Variants in PHF11 observed in about 807,000 individuals in gnomAD.
PHF11 encodes the protein BRCA1 C-terminus-associated protein.
Under a neutral mutation model 40.5 loss-of-function variants are expected in PHF11, and 38 were observed. That is an observed-to-expected ratio of 0.94 (90% confidence interval 0.72 to 1.23). PHF11 has a LOEUF of 1.23. PHF11 is among the 50% of genes most tolerant of loss of function. The pLI, the probability that PHF11 is intolerant of heterozygous loss-of-function variation, is 0.00. For missense variants in PHF11, 369 were observed against 392.4 expected (o/e 0.94, Z 0.50); for synonymous variants, 127 against 138.2 (o/e 0.92, Z 0.57).
intron 1 of PHF11, chr13:49,497,146 A>G (rs1734444674): frequency 7.8e-7 from 1 of 1,289,628 alleles, no homozygotes; most frequent in Middle Eastern, 2.1e-4. Context: ...CGTCACACGT[A>G]AACATCATAC....
intron 1 of PHF11, 199 bp downstream of exon 1, chr13:49,496,294 A>G: frequency 2.7e-6 from 2 of 742,916 alleles, no homozygotes; most frequent in Non-Finnish European, 1.8e-6. Context: ...GGGCCAGAGG[A>G]CAGGGCGCGG....
chr13:49,506,397 A>C (rs1225137004), intron 1 of PHF11, among the ~76,000 whole-genome samples: 1 of 152,134 alleles, frequency 6.6e-6, no homozygotes, highest in Non-Finnish European at 1.5e-5. Flanking sequence ...AAAAAGAAGA[A>C]GTTATCCTCA....
chr13:49,506,705 T>C lies in PHF11; in HGVS notation c.165T>C (p.Asn55=). Residue 55 remains asparagine (N), a synonymous_variant, in exon 2 of 10, where the codon AAT becomes AAC. Coordinates refer to ENST00000378319, the MANE Select transcript of PHF11 (RefSeq NM_001040443.3). Reference sequence around the variant, plus strand: ...TCTGCCCCAAAGATGTCGAATATAATGTCCTATACTTTGCACAATCAGAGA... The same window carrying C: ...TCTGCCCCAAAGATGTCGAATATAACGTCCTATACTTTGCACAATCAGAGA... ...CALCPKDVEY[N]VLYFAQSENI... is the part of the protein sequence containing the mutation. 1 of 1,608,142 alleles carries C rather than the reference T, an allele frequency of 6.2e-7. No homozygotes were observed.
intron 1 of PHF11, among the ~76,000 whole-genome samples, chr13:49,501,008 T>TG (rs1332543978): frequency 6.5e-5 from 8 of 122,740 alleles, no homozygotes; most frequent in African/African-American, 3.1e-4. Flanking sequence ...TTGTTTTTTT[T>TG]TTTTTTTGGT....
intron 1 of PHF11, chr13:49,496,462 G>C (rs1268692096): frequency 2.0e-6 from 2 of 1,018,998 alleles, no homozygotes; most frequent in East Asian, 1.8e-4. Flanking sequence ...AACCAGGACA[G>C]TGGAGGGGCG....
chr13:49,509,299 A>C (rs902145229), intron 2 of PHF11, among the ~76,000 whole-genome samples: 1 of 150,168 alleles, frequency 6.7e-6, no homozygotes, highest in Non-Finnish European at 1.5e-5. Context: ...TGCAACCTCC[A>C]CTTCCCAGGT....
chr13:49,507,052 C>T (rs1042134432), intron 2 of PHF11, among the ~76,000 whole-genome samples: 6 of 151,614 alleles, frequency 4.0e-5, no homozygotes, highest in Admixed American at 6.6e-5. Context: ...TACAGGTGCC[C>T]GCCACCATGC....
intron 4 of PHF11, among the ~76,000 whole-genome samples, chr13:49,520,083 T>C (rs1707202126): frequency 6.6e-6 from 1 of 152,220 alleles, no homozygotes; most frequent in Admixed American, 6.5e-5. Context: ...AGTCTTGCTC[T>C]GTGGCCCAGG....
chr13:49,505,116 A>T (rs187200874), intron 1 of PHF11, among the ~76,000 whole-genome samples: 282 of 150,064 alleles, frequency 1.9e-3, no homozygotes, highest in African/African-American at 6.2e-3. Context: ...AATAAATAAA[A>T]AAATAATAAA....
At chr13:49,515,206 G>A (rs745745483) in intron 3 of PHF11, among the ~76,000 whole-genome samples, 6 of 152,058 alleles carry the variant, frequency 3.9e-5, no homozygotes, top group Non-Finnish European at 5.9e-5. Context: ...TGAGGTAATA[G>A]TTACCCTCTC....
intron 7 of PHF11, chr13:49,523,768 C>T (rs1208888958): frequency 1.4e-5 from 3 of 212,676 alleles, no homozygotes; most frequent in African/African-American, 7.1e-5. Context: ...TAACCTGAAA[C>T]CACCTGTTCC....
Position 49,510,913 on chromosome 13 carries a change from C to A in PHF11, c.217-2146C>A, listed in dbSNP as rs1272131964. On this transcript the variant is annotated intron_variant, in intron 2 of 9. Coordinates refer to ENST00000378319, the MANE Select transcript of PHF11 (RefSeq NM_001040443.3). ...AGAAAGTTTTGAGACATGTTGAGAC[C>A]CATGCAACCACTACCACCATCAAGA... Among the ~76,000 whole-genome samples, 8 of 152,100 alleles carry A rather than the reference C, an allele frequency of 5.3e-5. No individual in the cohort carries two copies. The South Asian group carries it at 1.5e-3, about 28-fold the overall frequency.
intron 1 of PHF11, among the ~76,000 whole-genome samples, chr13:49,497,565 T>C (rs972327593): frequency 2.6e-5 from 4 of 152,230 alleles, no homozygotes; most frequent in South Asian, 2.1e-4. Context: ...TACGCCATCA[T>C]GATCTTCTGT....
At chr13:49,513,997 G>A (rs9596127) in intron 3 of PHF11, among the ~76,000 whole-genome samples, 1 of 152,072 alleles carries the variant, frequency 6.6e-6, no homozygotes. Context: ...GTTTCATTAG[G>A]TTGCACCCCT....
At chr13:49,524,673 A>G (rs1959218867) in intron 8 of PHF11, among the ~76,000 whole-genome samples, 1 of 152,004 alleles carries the variant, frequency 6.6e-6, no homozygotes, top group Admixed American at 6.6e-5. Flanking sequence ...ACAAGGTTTC[A>G]CCATGTTGGC....
At chr13:49,506,614 C>T in intron 1 of PHF11, 21 bp from the exon 2 acceptor site, 2 of 1,611,972 alleles carry the variant, frequency 1.2e-6, no homozygotes, top group Non-Finnish European at 8.5e-7. Flanking sequence ...TTCCATTTCT[C>T]ACCAGGGATA....
intron 4 of PHF11, 52 bp downstream of exon 4, chr13:49,518,203 T>C: frequency 7.5e-7 from 1 of 1,328,914 alleles, no homozygotes; most frequent in South Asian, 1.4e-5. Flanking sequence ...GGATAAGGAA[T>C]GGTTGGATTA....
intron 5 of PHF11, chr13:49,521,841 T>TGG (rs1959189292): frequency 8.9e-6 from 3 of 337,614 alleles, no homozygotes; most frequent in Non-Finnish European, 1.7e-5. Flanking sequence ...TTCTACTCAA[T>TGG]TATTTACCTG....
intron 1 of PHF11, among the ~76,000 whole-genome samples, chr13:49,500,588 A>G (rs1299755966): frequency 6.6e-6 from 1 of 152,216 alleles, no homozygotes; most frequent in Non-Finnish European, 1.5e-5. Flanking sequence ...TAGAAGATCA[A>G]AAGAGCTAGA....
Sources: gnomAD v4.1 joint callset for allele counts (sites outside exome capture counted in the v4.1 genomes callset) on GRCh38, gnomAD v4.1.1 for gene constraint, MANE v1.5 for transcripts, NCBI Gene and HGNC (gene_info 2026-07-23, HGNC 2026-07-21) for gene names.